Variants in PLA2G2C observed in about 807,000 individuals in gnomAD.
PLA2G2C encodes putative inactive group IIC secretory phospholipase A2.
A neutral mutation model predicts 14.3 loss-of-function variants in PLA2G2C; 15 were observed. That is an observed-to-expected ratio of 1.05 (90% CI 0.70 to 1.62). The LOEUF (loss-of-function observed/expected upper bound fraction) is 1.62. PLA2G2C is among the 40% of genes most tolerant of loss of function. The pLI is 0.00. For synonymous variants in PLA2G2C, 79 were observed against 67.7 expected, an observed-to-expected ratio of 1.17 and a Z score of -0.82; for missense variants, 162 against 173.2, an observed-to-expected ratio of 0.94 and a Z score of 0.36.
intron 1 of PLA2G2C, among the ~76,000 whole-genome samples, chr1:20,180,852 G>A (rs2018268257): frequency 6.6e-6 from 1 of 152,260 alleles, no homozygotes. Context: ...AGGGTCCCTA[G>A]ACGCCACCAT....
intron 1 of PLA2G2C, among the ~76,000 whole-genome samples, chr1:20,178,682 G>C (rs1046244085): frequency 6.6e-6 from 1 of 152,194 alleles, no homozygotes; most frequent in Non-Finnish European, 1.5e-5. Context: ...CAGTTCTTTT[G>C]AATGAGCAGG....
At chr1:20,165,349 A>G (rs7515752) in intron 4 of PLA2G2C, among the ~76,000 whole-genome samples, 30,808 of 152,138 alleles carry the variant, frequency 0.2, 3,336 homozygotes, top group Middle Eastern at 0.26. Context: ...CATGTCCTCC[A>G]TACCCGTTTG....
chr1:20,174,337 G>A (rs912954246), intron 3 of PLA2G2C, among the ~76,000 whole-genome samples: 6 of 152,232 alleles, frequency 3.9e-5, no homozygotes, highest in South Asian at 2.1e-4. Context: ...CTCCCCACAC[G>A]TACATTCACC....
In PLA2G2C at chr1:20,174,834, G is replaced by A. The variant is rs966699347; in HGVS notation, c.179+173C>T. 3.2e-4 allele frequency among the ~76,000 whole-genome samples: 49 copies of A among 152,202 alleles called. No homozygotes were observed. In the Middle Eastern group the frequency reaches 0.017, roughly 53 times the overall value. ...GTCACACACTCAAGAAGCTGGCCCC[G>A]ACCCTGGGTTTCTCAAGACCCATCC... On this transcript the variant is annotated intron_variant, in intron 3 of 4. Transcript: ENST00000679259.
At chr1:20,167,797 T>C (rs904138707) in intron 4 of PLA2G2C, among the ~76,000 whole-genome samples, 5 of 152,190 alleles carry the variant, frequency 3.3e-5, no homozygotes, top group African/African-American at 1.2e-4. Context: ...ACATTGGCCC[T>C]GAGGTCTCAG....
At chr1:20,181,075 A>G (rs893953864) in intron 1 of PLA2G2C, among the ~76,000 whole-genome samples, 3 of 152,248 alleles carry the variant, frequency 2.0e-5, no homozygotes, top group Non-Finnish European at 2.9e-5. Flanking sequence ...GCTAACGTAT[A>G]TATCACACTT....
chr1:20,170,699 AGGCG>A (rs2018058320), intron 4 of PLA2G2C, among the ~76,000 whole-genome samples: 1 of 143,630 alleles, frequency 7.0e-6, no homozygotes. Context: ...TCAGCTGAGG[AGGCG>A]GGTGCTGATG....
At chr1:20,181,816 C>A (rs915282635) in intron 1 of PLA2G2C, among the ~76,000 whole-genome samples, 1 of 152,128 alleles carries the variant, frequency 6.6e-6, no homozygotes, top group African/African-American at 2.4e-5. Context: ...AACTAGTGCA[C>A]CTGGAGCACA....
chr1:20,168,792 G>A (rs2018021753), intron 4 of PLA2G2C, among the ~76,000 whole-genome samples: 1 of 152,346 alleles, frequency 6.6e-6, no homozygotes, highest in South Asian at 2.1e-4. Flanking sequence ...CGGAGGGGGT[G>A]TCACTGCTGA....
intron 1 of PLA2G2C, among the ~76,000 whole-genome samples, chr1:20,183,617 C>T (rs868828684): frequency 6.6e-6 from 1 of 152,204 alleles, no homozygotes; most frequent in Non-Finnish European, 1.5e-5. Flanking sequence ...TCCACTGGAC[C>T]AAAGGCGACC....
At chr1:20,182,229 C>A (rs1264221961) in intron 1 of PLA2G2C, among the ~76,000 whole-genome samples, 1 of 152,232 alleles carries the variant, frequency 6.6e-6, no homozygotes, top group African/African-American at 2.4e-5. Flanking sequence ...TGACAGACCA[C>A]ACATACGATG....
intron 2 of PLA2G2C, 38 bp from the exon 3 acceptor site, chr1:20,175,183 T>C (rs1246337900): frequency 3.7e-6 from 6 of 1,613,590 alleles, no homozygotes; most frequent in Non-Finnish European, 5.1e-6. Context: ...AGAAGGAAGT[T>C]GCAATGAGCA....
At chr1:20,186,120 C>G (rs1428406371) in intron 1 of PLA2G2C, 1 of 152,458 alleles carries the variant, frequency 6.6e-6, no homozygotes, top group Non-Finnish European at 1.5e-5. Context: ...GGACAGAGCC[C>G]GGGCGCAGGC....
chr1:20,175,704 G>A (rs1363349843), intron 2 of PLA2G2C, among the ~76,000 whole-genome samples: 1 of 152,144 alleles, frequency 6.6e-6, no homozygotes, highest in Non-Finnish European at 1.5e-5. Context: ...AGCATTATCT[G>A]TGATATCAAA....
intron 1 of PLA2G2C, among the ~76,000 whole-genome samples, chr1:20,178,425 A>C (rs2018223915): frequency 6.6e-6 from 1 of 152,224 alleles, no homozygotes; most frequent in South Asian, 2.1e-4. Context: ...GAAAACTTCA[A>C]AATGACCATC....
chr1:20,174,786 T>C (rs931235366), intron 3 of PLA2G2C, among the ~76,000 whole-genome samples: 1 of 152,014 alleles, frequency 6.6e-6, no homozygotes, highest in Admixed American at 6.6e-5. Context: ...CTTATGAGTG[T>C]TGGGCCCTGT....
rs774386390 is a variant in PLA2G2C at position 20,177,377 on chromosome 1, A to AG, written c.-15dup. The AG allele has an allele frequency of 2.9e-6, 2 of 692,732 alleles. No homozygotes were observed. Among genetic ancestry groups the AG allele is most frequent in the South Asian group, 3.0e-5 (2 of 66,170 alleles). The allele number at this position is 692,732 out of a possible 1,614,324, so 42.9% of individuals were successfully genotyped here. A position where few individuals can be genotyped will look rare whatever the true frequency, so the allele number is the denominator to read the frequency against. On this transcript the variant is annotated 5_prime_UTR_variant, in exon 2 of 5. Coordinates refer to ENST00000679259, the MANE Select transcript of PLA2G2C (RefSeq NM_001367969.2). ...AATGACCTTCATTCCTGAGGAGACC[A>AG]GGGGGTCTGAGGTTCTACAGCCACG...
chr1:20,163,956 G>A lies in PLA2G2C; in HGVS notation c.*35C>T, dbSNP rs769825105. ...CTTCCTGGAAGAGCAACACTAGAGC[G>A]GATGCTGGATGATGAGAGGGACCCT... On this transcript the variant is annotated 3_prime_UTR_variant, in exon 5 of 5. Transcript: ENST00000679259. 41 of 1,593,224 alleles carry A rather than the reference G, an allele frequency of 2.6e-5. No individual in the cohort carries two copies. In the East Asian group the frequency reaches 2.7e-4, roughly 11 times the overall value.
At chr1:20,165,789 T>C (rs1049058804) in intron 4 of PLA2G2C, among the ~76,000 whole-genome samples, 3 of 152,062 alleles carry the variant, frequency 2.0e-5, no homozygotes, top group Non-Finnish European at 2.9e-5. Context: ...CGCATGTGTG[T>C]GCGTGCATTG....
Sources: gnomAD v4.1 joint callset for allele counts (sites outside exome capture counted in the v4.1 genomes callset) on GRCh38, gnomAD v4.1.1 for gene constraint, MANE v1.5 for transcripts, NCBI Gene and HGNC (gene_info 2026-07-23, HGNC 2026-07-21) for gene names.